CFAP300: variants seen among roughly 807,000 people sequenced by gnomAD.
CFAP300 encodes the protein cilia- and flagella-associated protein 300.
CFAP300 carries 32 observed loss-of-function variants against 33.0 expected under a neutral mutation model. The ratio of observed to expected loss-of-function variants is 0.97; its 90% confidence interval spans 0.73 to 1.30. The LOEUF (loss-of-function observed/expected upper bound fraction) is 1.30, where lower values mean the gene tolerates loss of function less well. CFAP300 is among the 50% of genes most tolerant of loss of function. The pLI, the probability that CFAP300 is intolerant of heterozygous loss-of-function variation, is 0.00. For synonymous variants in CFAP300, 102 were observed against 106.8 expected, an observed-to-expected ratio of 0.95 and a Z score of 0.28; for missense variants, 356 against 318.1, an observed-to-expected ratio of 1.12 and a Z score of -0.90.
At chr11:102,054,728 CA>C (rs542071172) in intron 2 of CFAP300, among the ~76,000 whole-genome samples, 1,893 of 70,872 alleles carry the variant, frequency 0.027, 39 homozygotes, top group African/African-American at 0.09. Context: ...GACTTGGTCT[CA>C]AAAAAAAAAA....
chr11:102,047,638 G>T (rs1328966687), intron 1 of CFAP300, 58 bp downstream of exon 1: 4 of 1,503,032 alleles, frequency 2.7e-6, no homozygotes, highest in East Asian at 4.9e-5. Context: ...CTGTGGAGGC[G>T]CAGGCCGGGC....
intron 3 of CFAP300, among the ~76,000 whole-genome samples, chr11:102,060,194 A>T (rs906506091): frequency 1.9e-4 from 28 of 150,886 alleles, no homozygotes; most frequent in African/African-American, 6.3e-4. Flanking sequence ...CTGGTCTTGA[A>T]CTCCTGACTG....
intron 5 of CFAP300, among the ~76,000 whole-genome samples, chr11:102,076,294 C>A (rs1942394270): frequency 6.6e-6 from 1 of 152,108 alleles, no homozygotes; most frequent in African/African-American, 2.4e-5. Context: ...TTTCCTCATT[C>A]AGACCTGTTA....
At chr11:102,082,938 A>G (rs1942495987) in intron 6 of CFAP300, 133 bp from the exon 7 acceptor site, 1 of 261,174 alleles carries the variant, frequency 3.8e-6, no homozygotes, top group Non-Finnish European at 6.3e-6. Flanking sequence ...CAGAGGTTGC[A>G]GTGAGCCGAG....
chr11:102,083,569 G>T lies in CFAP300; in HGVS notation c.*370G>T, dbSNP rs6590945. 82,880 of 155,008 alleles carry T rather than the reference G, an allele frequency of 0.53. 23,000 individuals are homozygous for T. The highest frequency in any genetic ancestry group is 0.75 in the East Asian group (4,058 of 5,380). The allele number at this position is 155,008 out of a possible 1,614,324, so 9.6% of individuals were successfully genotyped here. Reference sequence around the variant, plus strand: ...GAAAATGTAGCAGAAAACTAAACATGTCTACCACTGATCATTAATATGAAT... The same window carrying T: ...GAAAATGTAGCAGAAAACTAAACATTTCTACCACTGATCATTAATATGAAT... On this transcript the variant is annotated 3_prime_UTR_variant, in exon 7 of 7. Coordinates refer to ENST00000434758, the MANE Select transcript of CFAP300 (RefSeq NM_032930.3).
intron 3 of CFAP300, 67 bp from the exon 4 acceptor site, chr11:102,066,418 T>C (rs977718511): frequency 2.3e-5 from 26 of 1,143,818 alleles, no homozygotes; most frequent in Non-Finnish European, 3.2e-5. Context: ...GCGATTTATT[T>C]TGGAAATAGT....
intron 2 of CFAP300, among the ~76,000 whole-genome samples, chr11:102,049,418 C>T (rs1460240336): frequency 6.6e-6 from 1 of 152,098 alleles, no homozygotes; most frequent in East Asian, 1.9e-4. Context: ...TCAGCAACAA[C>T]GCTAATTCCA....
intron 6 of CFAP300, 128 bp downstream of exon 6, chr11:102,081,409 GTTAAAA>G: frequency 6.2e-6 from 5 of 806,678 alleles, no homozygotes; most frequent in Non-Finnish European, 9.7e-6. Context: ...TTAGAGTTTT[GTTAAAA>G]TTAAAAGTTG....
In CFAP300 at chr11:102,047,478, CT is replaced by C; in HGVS notation, c.9del (p.Glu5SerfsTer21). The C allele has an allele frequency of 6.5e-7, 1 of 1,535,942 alleles. No homozygotes were observed. Among genetic ancestry groups the C allele is most frequent in the East Asian group, 2.4e-5 (1 of 40,902 alleles). On this transcript the variant is annotated frameshift_variant, in exon 1 of 7. Transcript: ENST00000434758. LOFTEE classifies it high-confidence loss of function. MA[T>X]GELGDLGGYY... is the part of the protein sequence containing the mutation. ...CACCCAGCCGAGAGCACGATGGCTA[CT>C]GGGGAGCTCGGGGACTTGGGTGGCT...
intron 2 of CFAP300, among the ~76,000 whole-genome samples, chr11:102,053,275 C>T (rs942178297): frequency 8.0e-5 from 12 of 150,816 alleles, no homozygotes; most frequent in African/African-American, 2.9e-4. Context: ...AAAGGCTGGG[C>T]ACAGTGGCTC....
At chr11:102,054,546 C>T (rs1942020273) in intron 2 of CFAP300, among the ~76,000 whole-genome samples, 2 of 704 alleles carry the variant, frequency 2.8e-3, no homozygotes, top group South Asian at 0.1. Context: ...GCCTGGCCAA[C>T]ATGGCAAACC....
chr11:102,066,374 G>T, intron 3 of CFAP300, 111 bp from the exon 4 acceptor site: 2 of 628,936 alleles, frequency 3.2e-6, no homozygotes, highest in Non-Finnish European at 5.1e-6. Flanking sequence ...TATCAAAAAT[G>T]TCATATTTGT....
At position 102,047,453 on chromosome 11, in the gene CFAP300, C is replaced by T. The variant is rs1941893522; in HGVS notation, c.-18C>T. The T allele has an allele frequency of 6.5e-7, 1 of 1,530,858 alleles. No individual in the cohort carries two copies. Among genetic ancestry groups the T allele is most frequent in the Non-Finnish European group, 8.8e-7 (1 of 1,142,160 alleles). The allele number at this position is 1,530,858 out of a possible 1,614,324, so 94.8% of individuals were successfully genotyped here. A position where few individuals can be genotyped will look rare whatever the true frequency, so the allele number is the denominator to read the frequency against. ...TCTCCATGGAAACGGCCCAGGCATC[C>T]ACCCAGCCGAGAGCACGATGGCTAC... On this transcript the variant is annotated 5_prime_UTR_variant, in exon 1 of 7. Coordinates refer to ENST00000434758, the MANE Select transcript of CFAP300 (RefSeq NM_032930.3).
At chr11:102,056,688 A>G (rs1206177455) in intron 2 of CFAP300, among the ~76,000 whole-genome samples, 1 of 151,992 alleles carries the variant, frequency 6.6e-6, no homozygotes, top group African/African-American at 2.4e-5. Flanking sequence ...CAGTGACACA[A>G]TCTCAGCTCA....
intron 3 of CFAP300, 34 bp from the exon 4 acceptor site, chr11:102,066,451 C>T (rs1409897759): frequency 2.0e-6 from 3 of 1,465,626 alleles, no homozygotes; most frequent in Non-Finnish European, 1.8e-6. Flanking sequence ...ATTAATTTTT[C>T]TATCTCCATT....
chr11:102,050,241 T>C (rs1450636387), intron 2 of CFAP300, among the ~76,000 whole-genome samples: 4 of 152,238 alleles, frequency 2.6e-5, no homozygotes, highest in African/African-American at 7.2e-5. Context: ...TTATCATTAA[T>C]CTTTACAACA....
chr11:102,074,773 C>T (rs1012227957), intron 4 of CFAP300, among the ~76,000 whole-genome samples: 4 of 150,266 alleles, frequency 2.7e-5, no homozygotes, highest in African/African-American at 4.9e-5. Context: ...AGTCACAGTT[C>T]GCTGCAGCTT....
At chr11:102,060,758 A>C (rs1414313660) in intron 3 of CFAP300, among the ~76,000 whole-genome samples, 1 of 152,200 alleles carries the variant, frequency 6.6e-6, no homozygotes, top group East Asian at 1.9e-4. Context: ...GGTAAATTAC[A>C]CAAAAGTAAC....
At chr11:102,054,470 C>T (rs150737867) in intron 2 of CFAP300, among the ~76,000 whole-genome samples, 87 of 152,032 alleles carry the variant, frequency 5.7e-4, no homozygotes, top group African/African-American at 2.0e-3. Flanking sequence ...CGGTGGTGCA[C>T]GCCTGTAATC....
Sources: allele counts gnomAD v4.1 joint callset (sites outside exome capture counted in the v4.1 genomes callset), GRCh38; gene constraint gnomAD v4.1.1; transcripts MANE v1.5; gene names NCBI Gene and HGNC (gene_info 2026-07-23, HGNC 2026-07-21).